STAU1: variants seen among roughly 807,000 people sequenced by gnomAD.
STAU1 encodes the protein staufen double-stranded RNA binding protein 1, also known as double-stranded RNA-binding protein Staufen homolog 1.
A neutral mutation model predicts 62.9 loss-of-function variants in STAU1; 13 were observed. That is an observed-to-expected ratio of 0.21 (90% CI 0.13 to 0.33). STAU1 has a LOEUF of 0.33. STAU1 is among the 10% of genes least tolerant of loss of function. STAU1 has a pLI of 1.00. For missense variants in STAU1, 571 were observed against 712.1 expected (o/e 0.80, Z 2.25); for synonymous variants, 269 against 265.1 (o/e 1.01, Z -0.14).
intron 1 of STAU1, among the ~76,000 whole-genome samples, chr20:49,184,277 T>A (rs1300069095): frequency 6.6e-6 from 1 of 151,300 alleles, no homozygotes; most frequent in Non-Finnish European, 1.5e-5. Flanking sequence ...CTAAACTCCA[T>A]CTCAAAAAAA....
chr20:49,161,044 C>A (rs1000400793), intron 3 of STAU1, among the ~76,000 whole-genome samples: 3 of 151,848 alleles, frequency 2.0e-5, no homozygotes, highest in Non-Finnish European at 4.4e-5. Context: ...TATGGCCAGG[C>A]GGGGTGGCTA....
chr20:49,189,332 G>A (rs2146668966), upstream of STAU1, among the ~76,000 whole-genome samples: 2 of 150,970 alleles, frequency 1.3e-5, no homozygotes, highest in East Asian at 3.9e-4. Flanking sequence ...GTTGGAGAGA[G>A]GGTGGCCAGT....
chr20:49,169,215 G>A (rs1402620819), intron 2 of STAU1, among the ~76,000 whole-genome samples: 1 of 152,068 alleles, frequency 6.6e-6, no homozygotes, highest in Non-Finnish European at 1.5e-5. Flanking sequence ...CTCCCTAAGT[G>A]CTAGGATTAC....
intron 3 of STAU1, among the ~76,000 whole-genome samples, chr20:49,155,568 T>C (rs1480001050): frequency 2.6e-5 from 4 of 152,196 alleles, no homozygotes; most frequent in Non-Finnish European, 5.9e-5. Context: ...AAAATGCCTC[T>C]TTAGGATGTA....
At chr20:49,192,540 T>C (rs1377413205), upstream of STAU1, among the ~76,000 whole-genome samples, 2 of 152,126 alleles carry the variant, frequency 1.3e-5, no homozygotes, top group African/African-American at 4.8e-5. Context: ...GGTTATGGTA[T>C]TGGCTAGGAA....
chr20:49,124,504 C>T lies in STAU1; in HGVS notation c.693G>A (p.Gly231=), dbSNP rs559211315. 2.5e-6 allele frequency: 4 copies of T among 1,614,130 alleles called. No individual in the cohort carries two copies. In the African/African-American group the frequency reaches 4.0e-5, roughly 16 times the overall value. ...SVGEFVGEGE[G]KSKKISKKNA... is the part of the protein sequence containing the mutation. ...TTTTCTTTGAAATCTTCTTGCTTTT[C>T]CCTTCACCTTCCCCCACAAACTCCC... The change falls in exon 7 of 14, where the codon GGG becomes GGA. Residue 231 remains glycine (G), a synonymous_variant. Coordinates refer to ENST00000371856, the MANE Select transcript of STAU1 (RefSeq NM_017453.4).
chr20:49,218,558 A>T, the STAU1 span, among the ~76,000 whole-genome samples: 1 of 145,412 alleles, frequency 6.9e-6, no homozygotes, highest in African/African-American at 2.5e-5. Context: ...ACAAACAAAC[A>T]AACAAACAAA....
intron 5 of STAU1, among the ~76,000 whole-genome samples, chr20:49,142,989 T>A (rs913914527): frequency 6.6e-6 from 1 of 151,998 alleles, no homozygotes; most frequent in African/African-American, 2.4e-5. Flanking sequence ...TTGGTAGAGA[T>A]GAGGTCTCTC....
Position 49,153,857 on chromosome 20 carries a change from G to C in STAU1, c.344+76C>G, listed in dbSNP as rs898711770. On this transcript the variant is annotated intron_variant, in intron 4 of 13. Coordinates refer to ENST00000371856, the MANE Select transcript of STAU1 (RefSeq NM_017453.4). ...AAATCATTACTCCCTCCACAATCTA[G>C]AGGTACTGGTTTATGTAAAAGATCA... 11 of 1,434,442 alleles carry C rather than the reference G, an allele frequency of 7.7e-6. No individual in the cohort carries two copies. The Admixed American group carries it at 1.4e-4, about 18-fold the overall frequency. The allele number at this position is 1,434,442 out of a possible 1,614,324, so 88.9% of individuals were successfully genotyped here. A position where few individuals can be genotyped will look rare whatever the true frequency, so the allele number is the denominator to read the frequency against.
At chr20:49,115,533 C>A (rs1247397211) in intron 13 of STAU1, among the ~76,000 whole-genome samples, 1 of 152,074 alleles carries the variant, frequency 6.6e-6, no homozygotes, top group Non-Finnish European at 1.5e-5. Flanking sequence ...ACACCTGACA[C>A]CTCATGATCC....
At chr20:49,213,985 G>A in the STAU1 span, among the ~76,000 whole-genome samples, 1 of 152,164 alleles carries the variant, frequency 6.6e-6, no homozygotes, top group Non-Finnish European at 1.5e-5. Context: ...GCCGAGGCGG[G>A]TGGGTCACCT....
At chr20:49,185,230 G>T (rs1005748133) in intron 1 of STAU1, among the ~76,000 whole-genome samples, 1 of 152,190 alleles carries the variant, frequency 6.6e-6, no homozygotes, top group African/African-American at 2.4e-5. Context: ...TTTTCATTAT[G>T]AATTATTAAC....
chr20:49,124,640 C>G, intron 6 of STAU1, 53 bp from the exon 7 acceptor site: 2 of 1,586,334 alleles, frequency 1.3e-6, no homozygotes, highest in Non-Finnish European at 1.7e-6. Context: ...ATTAAAAGCT[C>G]CAAGGCACAC....
chr20:49,139,773 T>C (rs1220396706), intron 5 of STAU1, among the ~76,000 whole-genome samples: 1 of 151,376 alleles, frequency 6.6e-6, no homozygotes, highest in Non-Finnish European at 1.5e-5. Flanking sequence ...CCCATAAGGA[T>C]GGCTGCTATC....
At position 49,166,130 on chromosome 20, in the gene STAU1, G is replaced by GT; in HGVS notation, c.71dup (p.Asn24LysfsTer17). 6.2e-7 allele frequency: 1 copy of GT among 1,614,156 alleles called. No homozygotes were observed. Among genetic ancestry groups the GT allele is most frequent in the Non-Finnish European group, 8.5e-7 (1 of 1,180,020 alleles). ...TCAAAGGCTGTGAGAGAAGAGACTG[G>GT]TTCTTGTTCAGTATTTGGCTCCCTG... On this transcript the variant is annotated frameshift_variant, in exon 3 of 14. Coordinates refer to ENST00000371856, the MANE Select transcript of STAU1 (RefSeq NM_017453.4). LOFTEE classifies it high-confidence loss of function.
At chr20:49,204,616 A>G in the STAU1 span, among the ~76,000 whole-genome samples, 341 of 42,192 alleles carry the variant, frequency 8.1e-3, 4 homozygotes, top group Middle Eastern at 0.019. Context: ...ATATATATAT[A>G]TATATATGTG....
intron 8 of STAU1, among the ~76,000 whole-genome samples, chr20:49,121,477 T>C (rs1789367526): frequency 6.6e-6 from 1 of 152,146 alleles, no homozygotes; most frequent in South Asian, 2.1e-4. Context: ...AAATCTACAG[T>C]ATGTATTTGT....
intron 1 of STAU1, among the ~76,000 whole-genome samples, chr20:49,181,458 G>T (rs1400874073): frequency 6.6e-6 from 1 of 152,062 alleles, no homozygotes; most frequent in Non-Finnish European, 1.5e-5. Flanking sequence ...AACCAGTTCT[G>T]TAGCTACATC....
rs1309573018 is a variant in STAU1 at position 49,181,763 on chromosome 20, C to CAAAAAAAAAA, written c.-160+6352_-160+6353insTTTTTTTTTT. Among the ~76,000 whole-genome samples the CAAAAAAAAAA allele has an allele frequency of 9.0e-5, 6 of 66,704 alleles. 1 individual carries two copies. Among genetic ancestry groups the CAAAAAAAAAA allele is most frequent in the African/African-American group, 1.2e-4 (2 of 16,984 alleles). 43.8% of individuals were successfully genotyped at this position (66,704 alleles called of 152,430 possible). A position where few individuals can be genotyped will look rare whatever the true frequency, so the allele number is the denominator to read the frequency against. On this transcript the variant is annotated intron_variant, in intron 1 of 13. Coordinates refer to ENST00000371856, the MANE Select transcript of STAU1 (RefSeq NM_017453.4). The stretch of plus-strand genomic sequence containing the variant: ...CCTGGGCAACAGAGCAAGACTATCT[C>CAAAAAAAAAA]AACAAAAAAAAAAAAAAAAAAAAAA...
Sources: gnomAD v4.1 joint callset for allele counts (sites outside exome capture counted in the v4.1 genomes callset) on GRCh38, gnomAD v4.1.1 for gene constraint, MANE v1.5 for transcripts, NCBI Gene and HGNC (gene_info 2026-07-23, HGNC 2026-07-21) for gene names.